ASTN2: variants seen among roughly 807,000 people sequenced by gnomAD.
The protein encoded by ASTN2 is astrotactin-2.
Under a neutral mutation model 139.8 loss-of-function variants are expected in ASTN2, and 54 were observed. The ratio of observed to expected loss-of-function variants is 0.39; its 90% CI spans 0.31 to 0.48. The LOEUF (loss-of-function observed/expected upper bound fraction) is 0.48. Among genes scored for constraint, ASTN2 ranks in the 20% least tolerant of loss-of-function variants. The probability of loss-of-function intolerance (pLI) is 0.95; values close to 1 mark genes in which losing one functional copy is unlikely to be tolerated. For missense variants in ASTN2, 1,565 were observed against 1,725.1 expected, an observed-to-expected ratio of 0.91 and a Z score of 1.64; for synonymous variants, 756 against 719.5, an observed-to-expected ratio of 1.05 and a Z score of -0.81.
In ASTN2 at chr9:116,670,986, G is replaced by GA. The variant is rs574284959; in HGVS notation, c.2807-19194dup. ...CAACTCAAGGAAATAAACTAGAAAG[G>GA]AAAAAAAATGTATCTGCACAAGGAC... is the stretch of plus-strand genomic sequence containing the variant. On this transcript the variant is annotated intron_variant, in intron 16 of 22. Transcript: ENST00000313400. Among the ~76,000 whole-genome samples the GA allele has an allele frequency of 7.9e-3, 1,194 of 151,688 alleles. 12 individuals carry two copies. Among genetic ancestry groups the GA allele is most frequent in the African/African-American group, 0.023 (968 of 41,380 alleles).
chr9:116,939,706 G>A (rs1480171314), intron 10 of ASTN2, among the ~76,000 whole-genome samples: 2 of 152,170 alleles, frequency 1.3e-5, no homozygotes, highest in African/African-American at 4.8e-5. Context: ...GTGCTAGAGA[G>A]GGAAATGAAT....
chr9:116,585,888 A>C (rs1018248086), intron 19 of ASTN2: 2 of 152,196 alleles, frequency 1.3e-5, no homozygotes, highest in African/African-American at 4.8e-5. Flanking sequence ...GAATGAAAGA[A>C]AATATTCAAA....
chr9:116,757,319 G>A (rs1829558815), intron 13 of ASTN2, among the ~76,000 whole-genome samples: 1 of 152,172 alleles, frequency 6.6e-6, no homozygotes, highest in African/African-American at 2.4e-5. Context: ...GACTGCATCT[G>A]TGAAGCTATT....
chr9:117,240,746 T>C (rs574199584), intron 2 of ASTN2, among the ~76,000 whole-genome samples: 78 of 151,996 alleles, frequency 5.1e-4, no homozygotes, highest in Non-Finnish European at 9.7e-4. Context: ...TTTCCTGAGG[T>C]TTTCCAATCC....
intron 11 of ASTN2, among the ~76,000 whole-genome samples, chr9:116,857,709 T>G (rs1832776312): frequency 6.6e-6 from 1 of 152,166 alleles, no homozygotes. Flanking sequence ...GAGGGTCCTT[T>G]CTGGCTCTGG....
intron 10 of ASTN2, among the ~76,000 whole-genome samples, chr9:116,973,447 A>G (rs1302123946): frequency 2.0e-5 from 3 of 152,242 alleles, no homozygotes; most frequent in Admixed American, 6.5e-5. Context: ...ATGGAATTCT[A>G]AAGCAGCCCT....
At chr9:117,016,564 T>G (rs1837679450) in intron 6 of ASTN2, among the ~76,000 whole-genome samples, 1 of 132,120 alleles carries the variant, frequency 7.6e-6, no homozygotes, top group African/African-American at 2.8e-5. Context: ...AGATGAACAG[T>G]CCACTGGGAT....
intron 11 of ASTN2, among the ~76,000 whole-genome samples, chr9:116,859,316 C>T (rs1832819096): frequency 6.6e-6 from 1 of 152,176 alleles, no homozygotes; most frequent in Non-Finnish European, 1.5e-5. Flanking sequence ...GCCTACTACA[C>T]ATCTTATGGC....
chr9:117,149,578 A>T lies in ASTN2; in HGVS notation c.1016-8100T>A, dbSNP rs543501765. Among the ~76,000 whole-genome samples the T allele has an allele frequency of 3.3e-5, 5 of 152,146 alleles. No individual in the cohort carries two copies. The South Asian group carries it at 1.0e-3, about 32-fold the overall frequency. On this transcript the variant is annotated intron_variant, in intron 3 of 22. Coordinates refer to ENST00000313400, the MANE Select transcript of ASTN2 (RefSeq NM_001365068.1). ...TGGGGACAAGGTGATAAGAGAAGAC[A>T]TCTTAGTCCTAAGGTACACCTAAGC...
rs1564457759 is a variant in ASTN2, at chr9:117,166,027, A to G, written c.1016-24549T>C. On this transcript the variant is annotated intron_variant, in intron 3 of 22. Coordinates refer to ENST00000313400, the MANE Select transcript of ASTN2 (RefSeq NM_001365068.1). ...TGGAGTAAAAAGTATCTCTGGAAAG[A>G]AATAGAAAACAAATAATCCTGCTTA... Among the ~76,000 whole-genome samples the G allele has an allele frequency of 2.6e-5, 4 of 152,134 alleles. No individual in the cohort carries two copies. In the South Asian group the frequency reaches 8.3e-4, roughly 31 times the overall value.
chr9:116,864,292 G>A (rs1219138519), intron 10 of ASTN2, among the ~76,000 whole-genome samples: 2 of 152,092 alleles, frequency 1.3e-5, no homozygotes, highest in East Asian at 1.9e-4. Flanking sequence ...ATAAATAGCA[G>A]AGCCAAGACA....
intron 1 of ASTN2, among the ~76,000 whole-genome samples, chr9:117,319,443 T>C (rs896749410): frequency 1.3e-5 from 2 of 152,188 alleles, no homozygotes; most frequent in African/African-American, 4.8e-5. Flanking sequence ...ATTTTTCTTT[T>C]TTTGAGACAG....
intron 19 of ASTN2, among the ~76,000 whole-genome samples, chr9:116,535,263 A>G (rs12380665): frequency 0.2 from 31,052 of 152,054 alleles, 3,314 homozygotes; most frequent in Non-Finnish European, 0.23. Flanking sequence ...GTCTCTGCAC[A>G]TGAGATGGAT....
intron 1 of ASTN2, among the ~76,000 whole-genome samples, chr9:117,400,130 A>T (rs1830784346): frequency 6.6e-6 from 1 of 152,176 alleles, no homozygotes; most frequent in African/African-American, 2.4e-5. Context: ...CCTGAAAGAG[A>T]CTTGGCTCTT....
chr9:116,963,372 A>G (rs1835921239), intron 10 of ASTN2, among the ~76,000 whole-genome samples: 2 of 152,220 alleles, frequency 1.3e-5, no homozygotes, highest in Admixed American at 6.5e-5. Context: ...AATTGAGGAC[A>G]TGGTGGGAGA....
intron 10 of ASTN2, among the ~76,000 whole-genome samples, chr9:116,892,382 G>A (rs1170165189): frequency 2.6e-5 from 4 of 152,238 alleles, no homozygotes; most frequent in South Asian, 4.1e-4. Flanking sequence ...GCTTAGGAAC[G>A]GTTTTAAGGT....
intron 13 of ASTN2, among the ~76,000 whole-genome samples, chr9:116,793,747 T>C (rs1250767570): frequency 1.3e-5 from 2 of 152,184 alleles, no homozygotes; most frequent in African/African-American, 2.4e-5. Context: ...GCCTCAGAAT[T>C]TATTACCTGT....
chr9:116,828,421 C>T (rs1831706380), intron 11 of ASTN2, among the ~76,000 whole-genome samples: 1 of 151,726 alleles, frequency 6.6e-6, no homozygotes, highest in Non-Finnish European at 1.5e-5. Flanking sequence ...CTATGCAAAT[C>T]AATAAACGTG....
In ASTN2 at chr9:116,450,361, G is replaced by A. The variant is rs145578622; in HGVS notation, c.3498-7808C>T. ...ATGTAGAGCTTTGAAAGTACTGAAT[G>A]TAGTATCATTTGCTTACATTATTTC... On this transcript the variant is annotated intron_variant, in intron 20 of 22. Transcript: ENST00000313400. Among the ~76,000 whole-genome samples, 16 of 152,296 alleles carry A rather than the reference G, an allele frequency of 1.1e-4. No individual in the cohort carries two copies. The East Asian group carries it at 3.1e-3, about 29-fold the overall frequency.
Sources: gnomAD v4.1 joint callset for allele counts (sites outside exome capture counted in the v4.1 genomes callset) on GRCh38, gnomAD v4.1.1 for gene constraint, MANE v1.5 for transcripts, NCBI Gene and HGNC (gene_info 2026-07-23, HGNC 2026-07-21) for gene names.